SPMIP2: variants seen among roughly 807,000 people sequenced by gnomAD.
SPMIP2 encodes the protein sperm microtubule inner protein 2.
At chr4:158,986,697 T>A in the SPMIP2 span, among the ~76,000 whole-genome samples, 4 of 152,110 alleles carry the variant, frequency 2.6e-5, no homozygotes, top group Admixed American at 2.6e-4. Context: ...AACCTAGGCA[T>A]TACCATTCAG....
the SPMIP2 span, among the ~76,000 whole-genome samples, chr4:158,947,641 G>A: frequency 6.6e-6 from 1 of 152,048 alleles, no homozygotes. Context: ...CATATTGTTA[G>A]CTAAAAATGA....
At chr4:159,080,000 C>T in the SPMIP2 span, among the ~76,000 whole-genome samples, 1 of 151,972 alleles carries the variant, frequency 6.6e-6, no homozygotes, top group Non-Finnish European at 1.5e-5. Context: ...TGCTTTATTC[C>T]ATCATCTCCC....
the SPMIP2 span, among the ~76,000 whole-genome samples, chr4:158,981,836 G>T: frequency 4.9e-5 from 6 of 123,218 alleles, no homozygotes; most frequent in Admixed American, 5.1e-4. Flanking sequence ...AAAAAAAAGA[G>T]CTAGCATAAT....
At chr4:158,975,447 C>A in the SPMIP2 span, among the ~76,000 whole-genome samples, 394 of 152,254 alleles carry the variant, frequency 2.6e-3, 1 homozygote, top group African/African-American at 9.3e-3. Flanking sequence ...ACATTTAAGT[C>A]TTTAATCCAT....
At chr4:159,065,249 G>A in the SPMIP2 span, among the ~76,000 whole-genome samples, 1 of 152,166 alleles carries the variant, frequency 6.6e-6, no homozygotes, top group African/African-American at 2.4e-5. Flanking sequence ...TATTTTGAAG[G>A]AAGAGATGGG....
the SPMIP2 span, among the ~76,000 whole-genome samples, chr4:158,967,042 G>A: frequency 1.2e-4 from 19 of 152,140 alleles, no homozygotes; most frequent in African/African-American, 3.9e-4. Flanking sequence ...CTTTGAACAC[G>A]GTACAGAGGG....
chr4:159,013,689 G>A, the SPMIP2 span, among the ~76,000 whole-genome samples: 1 of 151,780 alleles, frequency 6.6e-6, no homozygotes, highest in African/African-American at 2.4e-5. Flanking sequence ...ACACTGAGGG[G>A]TTGGGGCTTC....
chr4:159,010,633 G>T, the SPMIP2 span, among the ~76,000 whole-genome samples: 6 of 152,156 alleles, frequency 3.9e-5, no homozygotes, highest in Non-Finnish European at 7.4e-5. Flanking sequence ...TTAAAATGTG[G>T]CATGCATAAC....
At chr4:159,040,230 GGTGT>G in the SPMIP2 span, among the ~76,000 whole-genome samples, 1 of 151,920 alleles carries the variant, frequency 6.6e-6, no homozygotes, top group Admixed American at 6.6e-5. Context: ...GGAGTGCAGT[GGTGT>G]GCTCTTGGCT....
At chr4:159,023,028 C>CAATAAAATAAAATAAAATAA in the SPMIP2 span, among the ~76,000 whole-genome samples, 2 of 137,328 alleles carry the variant, frequency 1.5e-5, no homozygotes, top group African/African-American at 5.4e-5. Flanking sequence ...GACTCCATCT[C>CAATAAAATAAAATAAAATAA]AATAAAATAA....
the SPMIP2 span, chr4:158,905,486 T>G: frequency 6.6e-6 from 1 of 152,228 alleles, no homozygotes; most frequent in African/African-American, 2.4e-5. Context: ...AAGGCACAGC[T>G]GTCCTGGTGG....
the SPMIP2 span, among the ~76,000 whole-genome samples, chr4:159,018,213 G>A: frequency 1.3e-5 from 2 of 152,194 alleles, no homozygotes; most frequent in Non-Finnish European, 2.9e-5. Context: ...CTGCCTCACT[G>A]CAACAGAGGC....
At chr4:158,982,111 C>T in the SPMIP2 span, among the ~76,000 whole-genome samples, 1 of 151,936 alleles carries the variant, frequency 6.6e-6, no homozygotes, top group South Asian at 2.1e-4. Context: ...CAACAAAGAT[C>T]AAAAAAGACA....
At chr4:158,916,748 A>G in the SPMIP2 span, among the ~76,000 whole-genome samples, 2 of 152,106 alleles carry the variant, frequency 1.3e-5, no homozygotes, top group Non-Finnish European at 2.9e-5. Context: ...GGTTCAATCA[A>G]TTCTCCTGCC....
chr4:159,077,421 C>T, the SPMIP2 span, among the ~76,000 whole-genome samples: 1 of 152,192 alleles, frequency 6.6e-6, no homozygotes, highest in Admixed American at 6.5e-5. Context: ...GCTGGGATTA[C>T]AAGTGTGAGC....
the SPMIP2 span, among the ~76,000 whole-genome samples, chr4:158,964,146 C>T: frequency 9.3e-6 from 1 of 108,084 alleles, no homozygotes; most frequent in African/African-American, 3.7e-5. Flanking sequence ...CAGAGTGAGA[C>T]TATCTCAAAA....
At chr4:159,057,078 C>A in the SPMIP2 span, among the ~76,000 whole-genome samples, 1 of 152,134 alleles carries the variant, frequency 6.6e-6, no homozygotes. Flanking sequence ...TTGCCTTAGA[C>A]CCCGGATTTA....
chr4:158,998,852 T>C, the SPMIP2 span, among the ~76,000 whole-genome samples: 1 of 152,116 alleles, frequency 6.6e-6, no homozygotes, highest in East Asian at 1.9e-4. Context: ...TCCTCCACTC[T>C]ATAACAATAT....
the SPMIP2 span, among the ~76,000 whole-genome samples, chr4:158,926,070 A>C: frequency 0.013 from 1,967 of 152,310 alleles, 17 homozygotes; most frequent in Non-Finnish European, 0.02. Flanking sequence ...TAACATATGA[A>C]TATTGAGGGG....
Sources: gnomAD v4.1 joint callset for allele counts (sites outside exome capture counted in the v4.1 genomes callset) on GRCh38, gnomAD v4.1.1 for gene constraint, MANE v1.5 for transcripts, NCBI Gene and HGNC (gene_info 2026-07-23, HGNC 2026-07-21) for gene names.